PDE11A: variants seen among roughly 807,000 people sequenced by gnomAD.
PDE11A encodes dual 3',5'-cyclic-AMP and -GMP phosphodiesterase 11A.
PDE11A carries 100 observed loss-of-function variants against 100.5 expected under a neutral mutation model. That is an observed-to-expected ratio of 1.00 (90% CI 0.85 to 1.18). PDE11A has a LOEUF of 1.18. Among genes scored for constraint, PDE11A ranks in the 50% most tolerant of loss-of-function variants. The pLI, the probability that PDE11A is intolerant of heterozygous loss-of-function variation, is 0.00. For missense variants in PDE11A, 1,141 were observed against 1,152.6 expected (o/e 0.99, Z 0.15); for synonymous variants, 381 against 420.8 (o/e 0.91, Z 1.16).
At chr2:177,787,007 G>T (rs1297544446) in intron 9 of PDE11A, among the ~76,000 whole-genome samples, 8 of 145,044 alleles carry the variant, frequency 5.5e-5, no homozygotes, top group Non-Finnish European at 1.1e-4. Flanking sequence ...AGCAAGGCAG[G>T]CCAACATTCA....
Position 177,876,943 on chromosome 2 carries a change from A to T in PDE11A, c.1303-1020T>A, listed in dbSNP as rs2084250518. Among the ~76,000 whole-genome samples, 2 of 148,256 alleles carry T rather than the reference A, an allele frequency of 1.3e-5. 1 individual carries two copies. Among genetic ancestry groups the T allele is most frequent in the Non-Finnish European group, 3.0e-5 (2 of 67,328 alleles). ...ACTAATGTGCAGAAGCACAGAAGCC[A>T]TATAAAGTATGAGACTCAAAGGAGG... On this transcript the variant is annotated intron_variant, in intron 4 of 19. Coordinates refer to ENST00000286063, the MANE Select transcript of PDE11A (RefSeq NM_016953.4).
chr2:177,829,915 A>G (rs564188541), intron 6 of PDE11A, among the ~76,000 whole-genome samples: 1 of 152,238 alleles, frequency 6.6e-6, no homozygotes, highest in South Asian at 2.1e-4. Context: ...TACATGGCAA[A>G]GACGATGGGA....
intron 2 of PDE11A, among the ~76,000 whole-genome samples, chr2:178,083,765 A>C (rs1026007706): frequency 6.6e-6 from 1 of 152,260 alleles, no homozygotes; most frequent in Non-Finnish European, 1.5e-5. Context: ...TCATAAAATA[A>C]TATGAAATTT....
At chr2:178,012,055 A>G (rs551886443) in intron 2 of PDE11A, 5 of 152,196 alleles carry the variant, frequency 3.3e-5, no homozygotes, top group Non-Finnish European at 7.3e-5. Flanking sequence ...TCAGGAAATA[A>G]CAATACCCAT....
chr2:177,842,379 T>C (rs530702553), intron 5 of PDE11A, among the ~76,000 whole-genome samples: 1 of 152,232 alleles, frequency 6.6e-6, no homozygotes, highest in Non-Finnish European at 1.5e-5. Context: ...TTGGAGGAGT[T>C]AGAAGGAAAC....
rs78752434 is a variant in PDE11A, at chr2:177,866,961, G to A, written c.1367+8898C>T. 7.2e-3 allele frequency among the ~76,000 whole-genome samples: 1,103 copies of A among 152,312 alleles called. 13 individuals carry two copies. The highest frequency in any genetic ancestry group is 0.025 in the African/African-American group (1,028 of 41,560). On this transcript the variant is annotated intron_variant, in intron 5 of 19. Transcript: ENST00000286063. ...CTGCAAAGTGTAAATCATGAAATCA[G>A]TTTTGTGGGTCATGACAGCAGATGT...
intron 2 of PDE11A, among the ~76,000 whole-genome samples, chr2:178,097,824 C>T (rs925113194): frequency 6.6e-6 from 1 of 152,174 alleles, no homozygotes; most frequent in African/African-American, 2.4e-5. Flanking sequence ...AAAGGAGATA[C>T]AAGATCTGCA....
chr2:178,015,178 A>G (rs1182730553), intron 1 of PDE11A, among the ~76,000 whole-genome samples: 2 of 152,178 alleles, frequency 1.3e-5, no homozygotes, highest in Non-Finnish European at 2.9e-5. Flanking sequence ...TAGTGAATAA[A>G]TCTGGTGAAC....
intron 13 of PDE11A, among the ~76,000 whole-genome samples, chr2:177,710,138 C>T (rs2081338525): frequency 6.6e-6 from 1 of 151,564 alleles, no homozygotes; most frequent in South Asian, 2.1e-4. Context: ...ATTGATGGCA[C>T]AAAGTCCCAG....
rs946940521 is a variant in PDE11A at position 178,061,667 on chromosome 2, T to A, written c.912+9859A>T. On this transcript the variant is annotated intron_variant, in intron 1 of 19. Coordinates refer to ENST00000286063, the MANE Select transcript of PDE11A (RefSeq NM_016953.4). ...CTTCACTTGGTAGTAAGAAAGCATA[T>A]CTATTCCATTTTATACCTTCATATC... 5.9e-5 allele frequency among the ~76,000 whole-genome samples: 9 copies of A among 152,198 alleles called. 1 individual carries two copies. The highest frequency in any genetic ancestry group is 1.2e-4 in the Non-Finnish European group (8 of 68,032).
chr2:178,059,002 A>G (rs748408993), intron 1 of PDE11A, among the ~76,000 whole-genome samples: 2 of 152,160 alleles, frequency 1.3e-5, no homozygotes, highest in Non-Finnish European at 2.9e-5. Context: ...AGAGTCCCCA[A>G]ACCCACCCTT....
At position 177,678,267 on chromosome 2, in the gene PDE11A, G is replaced by A. The variant is rs1310925983; in HGVS notation, c.2423+2559C>T. ...GTTAGAAACACAAACGACACCCAGA[G>A]AGTTTGAGAGGTTCTAAATGGTTAG... On this transcript the variant is annotated intron_variant, in intron 16 of 19. Coordinates refer to ENST00000286063, the MANE Select transcript of PDE11A (RefSeq NM_016953.4). 3.9e-5 allele frequency among the ~76,000 whole-genome samples: 6 copies of A among 152,300 alleles called. No individual in the cohort carries two copies. The East Asian group carries it at 1.2e-3, about 29-fold the overall frequency.
chr2:177,693,481 T>G (rs539678841), intron 15 of PDE11A, among the ~76,000 whole-genome samples: 1 of 152,258 alleles, frequency 6.6e-6, no homozygotes, highest in Non-Finnish European at 1.5e-5. Flanking sequence ...CTGGCTTCCC[T>G]CCTTCCCCAT....
At chr2:177,655,318 T>A (rs1296350539) in intron 19 of PDE11A, among the ~76,000 whole-genome samples, 1 of 152,128 alleles carries the variant, frequency 6.6e-6, no homozygotes, top group Admixed American at 6.5e-5. Context: ...AAAATATGCA[T>A]AGAGATGGTT....
chr2:177,814,800 A>G (rs1452426955), intron 9 of PDE11A, among the ~76,000 whole-genome samples: 1 of 152,180 alleles, frequency 6.6e-6, no homozygotes, highest in African/African-American at 2.4e-5. Context: ...ATTCTAGGGT[A>G]TATGAGCATT....
intron 5 of PDE11A, among the ~76,000 whole-genome samples, chr2:177,865,761 T>G (rs1379975090): frequency 6.6e-6 from 1 of 152,218 alleles, no homozygotes; most frequent in African/African-American, 2.4e-5. Context: ...AATGGTCACA[T>G]ATTATATAAT....
At chr2:177,755,677 C>A (rs1030349409) in intron 10 of PDE11A, among the ~76,000 whole-genome samples, 2 of 152,198 alleles carry the variant, frequency 1.3e-5, no homozygotes, top group Non-Finnish European at 2.9e-5. Context: ...GCCAAGCGGA[C>A]CAATCAGAAA....
At chr2:178,062,636 T>C (rs2086987193) in intron 1 of PDE11A, among the ~76,000 whole-genome samples, 3 of 152,234 alleles carry the variant, frequency 2.0e-5, no homozygotes, top group Admixed American at 1.3e-4. Flanking sequence ...TTTAAATATG[T>C]AATCATGCAT....
chr2:177,998,320 C>A, intron 2 of PDE11A: 2 of 810,132 alleles, frequency 2.5e-6, no homozygotes, highest in Non-Finnish European at 2.2e-6. Flanking sequence ...AATTTAATTG[C>A]TCATTCTCTA....
Sources: gnomAD v4.1 joint callset for allele counts (sites outside exome capture counted in the v4.1 genomes callset) on GRCh38, gnomAD v4.1.1 for gene constraint, MANE v1.5 for transcripts, NCBI Gene and HGNC (gene_info 2026-07-23, HGNC 2026-07-21) for gene names.